Variants in PKHD1L1 observed in about 807,000 individuals in gnomAD.
PKHD1L1 encodes the protein fibrocystin-L.
Under a neutral mutation model 462.9 loss-of-function variants are expected in PKHD1L1, and 434 were observed. The ratio of observed to expected loss-of-function variants is 0.94; its 90% confidence interval spans 0.87 to 1.02. PKHD1L1 has a LOEUF of 1.02. Among genes scored for constraint, PKHD1L1 ranks in the 50% least tolerant of loss-of-function variants. The pLI is 0.00. For missense variants in PKHD1L1, 5,202 were observed against 5,096.1 expected, an observed-to-expected ratio of 1.02 and a Z score of -0.63; for synonymous variants, 1,781 against 1,750.0, an observed-to-expected ratio of 1.02 and a Z score of -0.44.
At chr8:109,378,866 G>T (rs546245385) in intron 2 of PKHD1L1, among the ~76,000 whole-genome samples, 2 of 152,134 alleles carry the variant, frequency 1.3e-5, no homozygotes, top group Admixed American at 6.6e-5. Context: ...GCATATGAAG[G>T]GACTCATAAT....
At chr8:109,448,019 A>ATATT in intron 38 of PKHD1L1, 124 bp from the exon 39 acceptor site, 2 of 823,376 alleles carry the variant, frequency 2.4e-6, no homozygotes, top group Non-Finnish European at 3.7e-6. Context: ...TGTATTGTTA[A>ATATT]TATTTATATT....
Position 109,445,617 on chromosome 8 carries a change from A to G in PKHD1L1, c.5748A>G (p.Pro1916=), listed in dbSNP as rs1816092839. 2 of 1,608,874 alleles carry G rather than the reference A, an allele frequency of 1.2e-6. No homozygotes were observed. Among genetic ancestry groups the G allele is most frequent in the Middle Eastern group, 1.6e-4 (1 of 6,082 alleles). Residue 1916 remains proline, a synonymous_variant, in exon 38 of 78, where the codon CCA becomes CCG. Coordinates refer to ENST00000378402, the MANE Select transcript of PKHD1L1 (RefSeq NM_177531.6). ...TTACATATGCCCTGGAGGATACTCC[A>G]TTTCTCAGAGGAATTATCCCAAGCA... The part of the protein sequence containing the change: ...LLFTYALEDT[P]FLRGIIPSRG...
In PKHD1L1 at chr8:109,389,130, T is replaced by C. The variant is rs753156481; in HGVS notation, c.675T>C (p.Cys225=). The C allele has an allele frequency of 5.0e-6, 8 of 1,610,582 alleles. No homozygotes were observed. The highest frequency in any genetic ancestry group is 6.8e-6 in the Non-Finnish European group (8 of 1,177,626). The change falls in exon 8 of 78, where the codon TGT becomes TGC. Residue 225 remains cysteine (C), a synonymous_variant. Transcript: ENST00000378402. The stretch of plus-strand genomic sequence containing the variant: ...ATGGAGATATGGGTTCTATGGTTTG[T>C]AAGACGACTGGAACTTTTATTGGCA... ...HPNGDMGSMV[C]KTTGTFIGHH...
Position 109,438,987 on chromosome 8 carries a change from T to C in PKHD1L1, c.3851T>C (p.Ile1284Thr), listed in dbSNP as rs1815611063. 5 of 1,613,726 alleles carry C rather than the reference T, an allele frequency of 3.1e-6. No homozygotes were observed. In the East Asian group the frequency reaches 1.1e-4, roughly 36 times the overall value. Reference sequence around the variant, plus strand: ...TATGTTGGAGGAAAAACCTGCCAGATTCTTCACTGGAACTTCACAGATATT... The same window carrying C: ...TATGTTGGAGGAAAAACCTGCCAGACTCTTCACTGGAACTTCACAGATATT... The part of the protein sequence containing the change: ...AVYVGGKTCQ[I>T]LHWNFTDIRC... The change falls in exon 32 of 78, where the codon ATT (isoleucine) becomes ACT (threonine). Residue 1284 changes from isoleucine (I) to threonine (T), a missense_variant. Physicochemically the swap from Ile to Thr is moderately conservative, Grantham distance 89. Around this residue, in one of 3 missense-constraint regions of PKHD1L1, gnomAD observed 4,497 missense variants for 4,336.8 expected, o/e 1.04. Transcript: ENST00000378402.
At position 109,404,580 on chromosome 8, in the gene PKHD1L1, A is replaced by G; in HGVS notation, c.1400A>G (p.Glu467Gly). The G allele has an allele frequency of 6.3e-7, 1 of 1,581,682 alleles. No homozygotes were observed. The highest frequency in any genetic ancestry group is 8.6e-7 in the Non-Finnish European group (1 of 1,162,978). Residue 467 changes from glutamate (E) to glycine (G), a missense_variant, in exon 15 of 78, where the codon GAG becomes GGG. Transcript: ENST00000378402. ...TACTATATTGAAATCTTGCTGCAGG[A>G]GTACAGATTAAGTGCATTTGTTGAT... is the stretch of plus-strand genomic sequence containing the variant. The part of the protein sequence containing the change: ...KEYYIEILLQ[E>G]YRLSAFVDVG...
At chr8:109,491,249 T>C in intron 61 of PKHD1L1, 148 bp downstream of exon 61, 2 of 814,116 alleles carry the variant, frequency 2.5e-6, no homozygotes, top group Non-Finnish European at 3.5e-6. Context: ...TACTAAGTCA[T>C]ATGTGTCTAT....
At chr8:109,446,971 C>T (rs1026316617) in intron 38 of PKHD1L1, among the ~76,000 whole-genome samples, 1 of 152,174 alleles carries the variant, frequency 6.6e-6, no homozygotes, top group Admixed American at 6.5e-5. Context: ...CGCCTGTAAT[C>T]CTAGCACTTT....
intron 38 of PKHD1L1, among the ~76,000 whole-genome samples, chr8:109,447,866 A>G (rs922964119): frequency 1.3e-5 from 2 of 152,134 alleles, no homozygotes; most frequent in South Asian, 2.1e-4. Context: ...TCTATTCTCT[A>G]TTAGCGTGAA....
At chr8:109,510,631 A>G (rs762507798) in intron 70 of PKHD1L1, 146 bp from the exon 71 acceptor site, 83 of 1,005,696 alleles carry the variant, frequency 8.3e-5, no homozygotes, top group Non-Finnish European at 1.1e-4. Context: ...CTGGCTGGGT[A>G]ACGGTGGATG....
At chr8:109,407,934 T>A (rs1409574979) in intron 17 of PKHD1L1, 115 bp from the exon 18 acceptor site, 20 of 650,074 alleles carry the variant, frequency 3.1e-5, no homozygotes, top group Non-Finnish European at 4.0e-5. Flanking sequence ...GAGCACCAAA[T>A]GAAACCAATT....
At chr8:109,465,652 T>C (rs1344142389) in intron 49 of PKHD1L1, among the ~76,000 whole-genome samples, 1 of 152,168 alleles carries the variant, frequency 6.6e-6, no homozygotes, top group African/African-American at 2.4e-5. Context: ...TCCAGAAACA[T>C]ATAAATTGCA....
Position 109,487,892 on chromosome 8 carries a change from GGAAGGA to G in PKHD1L1, c.9880+1072_9880+1077del, listed in dbSNP as rs1198285341. On this transcript the variant is annotated intron_variant, in intron 59 of 77. Transcript: ENST00000378402. Reference sequence around the variant, plus strand: ...ACAGAGAGAAAGAGAGAGAGAGAGAGGAAGGAAGGAAGGAAGGAAGGAAGGAAGGAA... The same window carrying G: ...ACAGAGAGAAAGAGAGAGAGAGAGAGAGGAAGGAAGGAAGGAAGGAAGGAA... Among the ~76,000 whole-genome samples, 6 of 116,492 alleles carry G rather than the reference GGAAGGA, an allele frequency of 5.2e-5. No individual in the cohort carries two copies. The East Asian group carries it at 1.5e-3, about 29-fold the overall frequency. 76.4% of individuals were successfully genotyped at this position (116,492 alleles called of 152,430 possible).
At chr8:109,430,756 TA>T (rs946362742) in intron 27 of PKHD1L1, among the ~76,000 whole-genome samples, 86 of 152,228 alleles carry the variant, frequency 5.6e-4, no homozygotes, top group African/African-American at 1.8e-3. Flanking sequence ...TGGTACCTCC[TA>T]AAAAATTATT....
rs375532842 is a variant in PKHD1L1 at position 109,504,442 on chromosome 8, G to A, written c.10944G>A (p.Leu3648=). 45 of 1,558,586 alleles carry A rather than the reference G, an allele frequency of 2.9e-5. No individual in the cohort carries two copies. The highest frequency in any genetic ancestry group is 3.9e-5 in the Non-Finnish European group (45 of 1,144,388). The change falls in exon 68 of 78, where the codon CTG becomes CTA. Residue 3648 remains leucine, a synonymous_variant. Coordinates refer to ENST00000378402, the MANE Select transcript of PKHD1L1 (RefSeq NM_177531.6). ...QHPIHVKNIK[L]VDTTEQSKIF... is the part of the protein sequence containing the mutation. The stretch of plus-strand genomic sequence containing the variant: ...CAATCCATGTGAAGAATATAAAACT[G>A]GTTGATACCACTGAACAATCAAAAA...
At chr8:109,428,323 G>A (rs1814890588) in intron 25 of PKHD1L1, among the ~76,000 whole-genome samples, 1 of 152,122 alleles carries the variant, frequency 6.6e-6, no homozygotes, top group Admixed American at 6.6e-5. Context: ...AAGGATTGGT[G>A]TAACTTTCAC....
chr8:109,509,198 T>C (rs1819850699), intron 70 of PKHD1L1, among the ~76,000 whole-genome samples: 1 of 152,092 alleles, frequency 6.6e-6, no homozygotes, highest in South Asian at 2.1e-4. Context: ...ATGTGTGCTA[T>C]GCCTGGTTTC....
chr8:109,408,987 C>T (rs777995602), intron 18 of PKHD1L1, among the ~76,000 whole-genome samples: 28 of 152,116 alleles, frequency 1.8e-4, no homozygotes, highest in Non-Finnish European at 2.9e-5. Flanking sequence ...TAGGGGGCAG[C>T]CATTCATAAA....
intron 38 of PKHD1L1, among the ~76,000 whole-genome samples, chr8:109,447,201 C>A (rs984788510): frequency 6.6e-6 from 1 of 152,024 alleles, no homozygotes; most frequent in African/African-American, 2.4e-5. Context: ...CCAGCCTGGG[C>A]GACAGAGCGA....
intron 27 of PKHD1L1, among the ~76,000 whole-genome samples, chr8:109,430,888 A>T (rs1815060021): frequency 6.6e-6 from 1 of 152,156 alleles, no homozygotes. Flanking sequence ...CACAAGAATA[A>T]GGATTTGATG....
Sources: gnomAD v4.1 joint callset for allele counts (sites outside exome capture counted in the v4.1 genomes callset) on GRCh38, gnomAD v4.1.1 for gene constraint, gnomAD v4.1.1 regional missense constraint, MANE v1.5 for transcripts, NCBI Gene and HGNC (gene_info 2026-07-23, HGNC 2026-07-21) for gene names.